CDC42BPA: variants seen among roughly 807,000 people sequenced by gnomAD.
The protein encoded by CDC42BPA is CDC42 binding protein kinase alpha, also known as serine/threonine-protein kinase MRCK alpha.
A neutral mutation model predicts 223.5 loss-of-function variants in CDC42BPA; 80 were observed. That is an observed-to-expected ratio of 0.36 (90% CI 0.30 to 0.43). The LOEUF (loss-of-function observed/expected upper bound fraction) is 0.43, where lower values mean the gene tolerates loss of function less well. Ranked by LOEUF, CDC42BPA falls within the 20% of genes least tolerant of loss-of-function variation. The pLI is 1.00. For synonymous variants in CDC42BPA, 694 were observed against 718.6 expected, an observed-to-expected ratio of 0.97 and a Z score of 0.55; for missense variants, 1,743 against 2,099.9, an observed-to-expected ratio of 0.83 and a Z score of 3.32.
chr1:227,208,379 T>C (rs1482162336), intron 3 of CDC42BPA, among the ~76,000 whole-genome samples: 11 of 136,646 alleles, frequency 8.1e-5, no homozygotes, highest in Admixed American at 6.7e-4. Context: ...ATTTGTCAAT[T>C]TTGTCTTTTG....
intron 14 of CDC42BPA, among the ~76,000 whole-genome samples, chr1:227,104,252 C>T (rs16847098): frequency 0.15 from 23,513 of 152,052 alleles, 2,206 homozygotes; most frequent in African/African-American, 0.25. Context: ...TTAAAATAAT[C>T]GCTAACTTCG....
chr1:227,025,922 CTT>C (rs1473719795), intron 31 of CDC42BPA, 131 bp downstream of exon 31: 24 of 585,226 alleles, frequency 4.1e-5, no homozygotes, highest in South Asian at 3.8e-4. Flanking sequence ...TTTTCTCACT[CTT>C]AGCTAAGTCC....
intron 1 of CDC42BPA, among the ~76,000 whole-genome samples, chr1:227,276,346 C>T (rs1687026422): frequency 6.6e-6 from 1 of 150,760 alleles, no homozygotes; most frequent in Non-Finnish European, 1.5e-5. Context: ...CGTCTCTGCC[C>T]GGCCGCCCCG....
intron 1 of CDC42BPA, among the ~76,000 whole-genome samples, chr1:227,260,381 T>C (rs1683828549): frequency 6.6e-6 from 1 of 150,998 alleles, no homozygotes; most frequent in South Asian, 2.1e-4. Flanking sequence ...AAAGTTCCAA[T>C]ACAAAATGCC....
At chr1:227,022,522 A>C (rs975145815) in intron 32 of CDC42BPA, among the ~76,000 whole-genome samples, 14 of 152,246 alleles carry the variant, frequency 9.2e-5, no homozygotes, top group African/African-American at 2.9e-4. Flanking sequence ...ATTTACAAAT[A>C]CTTCTATTAT....
At chr1:227,058,014 T>C (rs753080427) in intron 21 of CDC42BPA, among the ~76,000 whole-genome samples, 17 of 152,218 alleles carry the variant, frequency 1.1e-4, no homozygotes, top group Non-Finnish European at 2.1e-4. Flanking sequence ...CTAATATAAC[T>C]GGGCACACAA....
At chr1:227,250,544 A>C (rs1210824531) in intron 2 of CDC42BPA, among the ~76,000 whole-genome samples, 1 of 152,064 alleles carries the variant, frequency 6.6e-6, no homozygotes, top group Non-Finnish European at 1.5e-5. Context: ...CATAACAATA[A>C]AATGCTATTG....
intron 1 of CDC42BPA, among the ~76,000 whole-genome samples, chr1:227,255,444 G>A (rs1319823010): frequency 7.4e-6 from 1 of 135,840 alleles, no homozygotes; most frequent in African/African-American, 2.8e-5. Context: ...GTAAGGAAAG[G>A]AAAGAGAGAG....
intron 1 of CDC42BPA, among the ~76,000 whole-genome samples, chr1:227,279,008 C>T (rs1558941181): frequency 7.0e-6 from 1 of 142,714 alleles, no homozygotes; most frequent in East Asian, 2.0e-4. Context: ...TGGTCCTAGC[C>T]TTTTTTTTTT....
At chr1:227,303,135 T>C (rs1352124865) in intron 1 of CDC42BPA, among the ~76,000 whole-genome samples, 1 of 152,164 alleles carries the variant, frequency 6.6e-6, no homozygotes, top group East Asian at 1.9e-4. Context: ...CTATTTTCCA[T>C]TCATATTTAA....
chr1:227,168,109 G>T (rs1665369229), intron 5 of CDC42BPA, among the ~76,000 whole-genome samples: 1 of 152,014 alleles, frequency 6.6e-6, no homozygotes, highest in Non-Finnish European at 1.5e-5. Flanking sequence ...ATTTTTAGTA[G>T]AGGCAGGGTT....
At chr1:227,139,800 C>A (rs576126828) in intron 9 of CDC42BPA, 58 bp from the exon 10 acceptor site, 2 of 1,143,130 alleles carry the variant, frequency 1.7e-6, no homozygotes, top group Admixed American at 2.9e-5. Flanking sequence ...TGAAGAAAAA[C>A]GTTAACATTT....
At chr1:227,097,372 C>T (rs6662443) in intron 15 of CDC42BPA, among the ~76,000 whole-genome samples, 30,283 of 152,082 alleles carry the variant, frequency 0.2, 3,123 homozygotes, top group Middle Eastern at 0.26. Flanking sequence ...GTCCTTATCT[C>T]ATTTGATTCA....
chr1:227,242,513 T>G (rs1680195617), intron 2 of CDC42BPA, among the ~76,000 whole-genome samples: 2 of 152,098 alleles, frequency 1.3e-5, no homozygotes, highest in Admixed American at 1.3e-4. Context: ...ATTCAAAAAA[T>G]TTATGTACAA....
intron 16 of CDC42BPA, among the ~76,000 whole-genome samples, chr1:227,087,176 C>A (rs1682132564): frequency 6.6e-6 from 1 of 152,260 alleles, no homozygotes; most frequent in Admixed American, 6.5e-5. Flanking sequence ...CAAAGACTTT[C>A]TCCTATGCTT....
At chr1:227,311,725 T>C (rs1456476789) in intron 1 of CDC42BPA, among the ~76,000 whole-genome samples, 3 of 145,720 alleles carry the variant, frequency 2.1e-5, no homozygotes, top group African/African-American at 7.5e-5. Context: ...TACCCAATCA[T>C]AAAAAAAAAA....
At chr1:227,203,830 T>A (rs573940111) in intron 3 of CDC42BPA, among the ~76,000 whole-genome samples, 2 of 152,208 alleles carry the variant, frequency 1.3e-5, no homozygotes, top group Non-Finnish European at 2.9e-5. Context: ...GGAACAGGAA[T>A]GCCTATCTTG....
intron 30 of CDC42BPA, among the ~76,000 whole-genome samples, chr1:227,027,673 T>C (rs529141427): frequency 1.3e-5 from 2 of 152,364 alleles, no homozygotes; most frequent in Non-Finnish European, 2.9e-5. Flanking sequence ...CTGCAACTAC[T>C]TGCTTTATCA....
chr1:227,312,956 C>T (rs1458787105), intron 1 of CDC42BPA, among the ~76,000 whole-genome samples: 3 of 152,154 alleles, frequency 2.0e-5, no homozygotes, highest in Admixed American at 1.3e-4. Context: ...CCCCTGCATG[C>T]CTCCTTGTAG....
Sources: gnomAD v4.1 joint callset for allele counts (sites outside exome capture counted in the v4.1 genomes callset) on GRCh38, gnomAD v4.1.1 for gene constraint, MANE v1.5 for transcripts, NCBI Gene and HGNC (gene_info 2026-07-23, HGNC 2026-07-21) for gene names.